KATNAL2: variants seen among roughly 807,000 people sequenced by gnomAD.
The protein encoded by KATNAL2 is katanin p60 ATPase-containing subunit A-like 2.
Under a neutral mutation model 76.3 loss-of-function variants are expected in KATNAL2, and 52 were observed. That is an observed-to-expected ratio of 0.68 (90% confidence interval 0.55 to 0.86). The LOEUF (loss-of-function observed/expected upper bound fraction) is 0.86, where lower values mean the gene tolerates loss of function less well. KATNAL2 is among the 40% of genes least tolerant of loss of function. KATNAL2 has a pLI of 0.00. For missense variants in KATNAL2, 660 were observed against 668.9 expected (o/e 0.99, Z 0.15); for synonymous variants, 243 against 244.2 (o/e 1.00, Z 0.05).
At chr18:47,059,475 T>C (rs1293644174) in intron 7 of KATNAL2, 81 bp from the exon 8 acceptor site, 3 of 939,722 alleles carry the variant, frequency 3.2e-6, no homozygotes, top group Non-Finnish European at 3.5e-6. Flanking sequence ...CATCGGACTT[T>C]GCTTGATGGA....
intron 15 of KATNAL2, chr18:47,098,243 G>A (rs775086566): frequency 2.5e-6 from 1 of 397,444 alleles, no homozygotes; most frequent in South Asian, 1.9e-5. Flanking sequence ...AAGTGTACTA[G>A]TCCATTTTCA....
intron 3 of KATNAL2, among the ~76,000 whole-genome samples, chr18:46,961,290 G>A (rs1490746515): frequency 1.3e-5 from 2 of 152,058 alleles, no homozygotes; most frequent in East Asian, 1.9e-4. Flanking sequence ...CAGGGGCGGT[G>A]GGGGTGGGGG....
At chr18:47,077,315 T>C in intron 14 of KATNAL2, 36 bp from the exon 15 acceptor site, 1 of 1,516,814 alleles carries the variant, frequency 6.6e-7, no homozygotes. Context: ...GCGAAGGCTC[T>C]GACACTTAGG....
intron 11 of KATNAL2, among the ~76,000 whole-genome samples, chr18:47,067,527 G>C (rs548454487): frequency 1.3e-5 from 2 of 152,044 alleles, no homozygotes; most frequent in African/African-American, 4.8e-5. Context: ...CCCCAGGATC[G>C]TCTGGGGCTT....
rs745565066 is a variant in KATNAL2, at chr18:47,069,631, A to C, written c.1008+31A>C. 17 of 1,467,092 alleles carry C rather than the reference A, an allele frequency of 1.2e-5. No homozygotes were observed. In the Admixed American group the frequency reaches 2.7e-4, roughly 24 times the overall value. The allele number at this position is 1,467,092 out of a possible 1,614,324, so 90.9% of individuals were successfully genotyped here. On this transcript the variant is annotated intron_variant, in intron 13 of 17. Transcript: ENST00000683218. ...AATTCTTAATTTTGTTTTTAAAAAT[A>C]AGTTCTAGTGTAATACAGTGGTACA...
At chr18:46,965,589 C>CCCCCA (rs1569032446) in intron 3 of KATNAL2, among the ~76,000 whole-genome samples, 1 of 96,356 alleles carries the variant, frequency 1.0e-5, no homozygotes, top group African/African-American at 4.3e-5. Context: ...CCGCCCCCCC[C>CCCCCA]CCCCCGCCCC....
chr18:47,100,309 T>G lies in KATNAL2; in HGVS notation c.1430T>G (p.Met477Arg), dbSNP rs756841942. ...DIKLVCREAAMRPVRKIFDAL... is the reference protein window; with the variant it reads ...DIKLVCREAARRPVRKIFDAL... ...AAGCTCGTCTGCAGGGAAGCAGCCATGCGGCCCGTGAGGAAGATCTTTGAT... is the reference window on the plus strand; with the variant it reads ...AAGCTCGTCTGCAGGGAAGCAGCCAGGCGGCCCGTGAGGAAGATCTTTGAT... The change falls in exon 17 of 18, where the codon ATG becomes AGG. Residue 477 changes from methionine to arginine, a missense_variant. Coordinates refer to ENST00000683218, the MANE Select transcript of KATNAL2 (RefSeq NM_001387690.1). 6.2e-6 allele frequency: 10 copies of G among 1,614,154 alleles called. No individual in the cohort carries two copies. The Admixed American group carries it at 1.7e-4, about 27-fold the overall frequency.
At chr18:47,078,311 C>CG (rs563190621) in intron 15 of KATNAL2, among the ~76,000 whole-genome samples, 1 of 146,316 alleles carries the variant, frequency 6.8e-6, no homozygotes, top group East Asian at 1.9e-4. Flanking sequence ...TTATCTGGGA[C>CG]CCCCCCCAAA....
In KATNAL2 at chr18:47,100,906, C is replaced by T. The variant is rs755734956; in HGVS notation, c.1518C>T (p.Thr506=). ...CCAGGATCCAGTTGGATATAGTAAC[C>T]ACTGCCGACTTTCTGGATGTGCTAA... is the stretch of plus-strand genomic sequence containing the variant. The part of the protein sequence containing the change: ...DLPRIQLDIV[T]TADFLDVLTH... Residue 506 remains threonine, a synonymous_variant, in exon 18 of 18, where the codon ACC becomes ACT. Transcript: ENST00000683218. The T allele has an allele frequency of 8.1e-6, 13 of 1,613,936 alleles. No homozygotes were observed. The highest frequency in any genetic ancestry group is 1.1e-5 in the Non-Finnish European group (13 of 1,180,032).
At chr18:47,087,321 G>A (rs2062817656) in intron 15 of KATNAL2, among the ~76,000 whole-genome samples, 1 of 152,118 alleles carries the variant, frequency 6.6e-6, no homozygotes, top group African/African-American at 2.4e-5. Flanking sequence ...GTGATAGACT[G>A]GATAAAGAAA....
At position 47,100,236 on chromosome 18, in the gene KATNAL2, G is replaced by GT. The variant is rs780694267; in HGVS notation, c.1375-12dup. 10 of 1,603,280 alleles carry GT rather than the reference G, an allele frequency of 6.2e-6. No homozygotes were observed. The highest frequency in any genetic ancestry group is 1.6e-4 in the Middle Eastern group (1 of 6,066). On this transcript the variant is annotated splice_polypyrimidine_tract_variant and intron_variant, in intron 16 of 17. Coordinates refer to ENST00000683218, the MANE Select transcript of KATNAL2 (RefSeq NM_001387690.1). ...CATTCTGCCCACTGACCAATGGCTGGTTTTTTGGCTGTTTCAGGAGACTGA... is the reference window on the plus strand; with the variant it reads ...CATTCTGCCCACTGACCAATGGCTGGTTTTTTTGGCTGTTTCAGGAGACTGA...
At chr18:47,084,051 G>A (rs995504711) in intron 15 of KATNAL2, among the ~76,000 whole-genome samples, 2 of 152,312 alleles carry the variant, frequency 1.3e-5, no homozygotes, top group African/African-American at 4.8e-5. Context: ...AGATCCAAGA[G>A]ATGGAATAAA....
At chr18:46,918,044 GGACTGCA>G (rs1218107631) in intron 1 of KATNAL2, 118 bp downstream of exon 1, 1 of 152,072 alleles carries the variant, frequency 6.6e-6, no homozygotes, top group Non-Finnish European at 1.5e-5. Context: ...TGAAGGTCAC[GGACTGCA>G]GAGTTGGGAG....
intron 3 of KATNAL2, among the ~76,000 whole-genome samples, chr18:47,031,016 C>CCCA: frequency 3.6e-5 from 1 of 27,838 alleles, no homozygotes; most frequent in Non-Finnish European, 1.2e-4. Context: ...AGCATCTCCC[C>CCCA]CCCCCCCCCC....
chr18:47,033,453 C>G, intron 3 of KATNAL2: 1 of 1,613,990 alleles, frequency 6.2e-7, no homozygotes, highest in Non-Finnish European at 8.5e-7. Flanking sequence ...ACTGCTCCCT[C>G]CAAGTTTTGT....
chr18:47,058,604 G>A (rs1056524969), intron 7 of KATNAL2, among the ~76,000 whole-genome samples: 4 of 151,596 alleles, frequency 2.6e-5, no homozygotes, highest in African/African-American at 9.7e-5. Flanking sequence ...TGGGTGCTGG[G>A]TGATTGGCCA....
chr18:47,068,987 G>A (rs903273928), intron 11 of KATNAL2, among the ~76,000 whole-genome samples: 1 of 152,108 alleles, frequency 6.6e-6, no homozygotes, highest in African/African-American at 2.4e-5. Context: ...AAAAAAATTG[G>A]TCCTTTAAAA....
chr18:47,031,605 A>G (rs1274751476), intron 3 of KATNAL2, among the ~76,000 whole-genome samples: 1 of 152,110 alleles, frequency 6.6e-6, no homozygotes, highest in Non-Finnish European at 1.5e-5. Flanking sequence ...CTTCTCCAGG[A>G]GAATCGTAGT....
intron 3 of KATNAL2, chr18:47,035,296 G>C (rs746768827): frequency 9.0e-5 from 145 of 1,611,522 alleles, no homozygotes; most frequent in Non-Finnish European, 1.1e-4. Flanking sequence ...TCGCTGTCCC[G>C]GCGGTCGCAG....
Sources: gnomAD v4.1 joint callset for allele counts (sites outside exome capture counted in the v4.1 genomes callset) on GRCh38, gnomAD v4.1.1 for gene constraint, MANE v1.5 for transcripts, NCBI Gene and HGNC (gene_info 2026-07-23, HGNC 2026-07-21) for gene names.